Variants in CLSTN2 observed in about 807,000 individuals in gnomAD.
The protein encoded by CLSTN2 is calsyntenin 2.
A neutral mutation model predicts 101.2 loss-of-function variants in CLSTN2; 48 were observed. The ratio of observed to expected loss-of-function variants is 0.47; its 90% CI spans 0.38 to 0.60. The LOEUF (loss-of-function observed/expected upper bound fraction) is 0.60. Among genes scored for constraint, CLSTN2 ranks in the 20% least tolerant of loss-of-function variants. The probability of loss-of-function intolerance (pLI) is 0.00; values close to 1 mark genes in which losing one functional copy is unlikely to be tolerated. For missense variants in CLSTN2, 1,160 were observed against 1,238.2 expected, an observed-to-expected ratio of 0.94 and a Z score of 0.95; for synonymous variants, 481 against 463.6, an observed-to-expected ratio of 1.04 and a Z score of -0.48.
chr3:140,178,698 G>A (rs368940958), intron 2 of CLSTN2, among the ~76,000 whole-genome samples: 18 of 152,106 alleles, frequency 1.2e-4, no homozygotes, highest in South Asian at 6.2e-4. Context: ...TGCTGCAGGC[G>A]TTTATTTTAA....
chr3:140,307,422 A>G (rs556590272), intron 2 of CLSTN2, among the ~76,000 whole-genome samples: 9 of 152,204 alleles, frequency 5.9e-5, no homozygotes, highest in Non-Finnish European at 1.2e-4. Flanking sequence ...GGCATTGACT[A>G]TGCTGCTGTC....
chr3:140,176,084 G>A lies in CLSTN2; in HGVS notation c.232+11G>A. On this transcript the variant is annotated intron_variant, in intron 2 of 16. Transcript: ENST00000458420. ...CGGTTCCTTTTGCAGGTGAGATTAT[G>A]GCTTCGTACGGCTGGGCCTGGCTCA... 2 of 1,613,276 alleles carry A rather than the reference G, an allele frequency of 1.2e-6. No individual in the cohort carries two copies. The highest frequency in any genetic ancestry group is 1.1e-5 in the South Asian group (1 of 90,996).
At chr3:140,204,262 G>A (rs2010753421) in intron 2 of CLSTN2, among the ~76,000 whole-genome samples, 1 of 152,120 alleles carries the variant, frequency 6.6e-6, no homozygotes, top group African/African-American at 2.4e-5. Flanking sequence ...ACATGTTTTG[G>A]CCTAGAGAGG....
chr3:139,950,083 G>A (rs1935269075), intron 1 of CLSTN2, among the ~76,000 whole-genome samples: 1 of 152,170 alleles, frequency 6.6e-6, no homozygotes, highest in African/African-American at 2.4e-5. Context: ...GCCAACCTTT[G>A]GCTGTGCTGA....
intron 1 of CLSTN2, among the ~76,000 whole-genome samples, chr3:140,075,318 T>C (rs891626230): frequency 3.3e-5 from 5 of 152,178 alleles, no homozygotes; most frequent in Admixed American, 2.6e-4. Flanking sequence ...CTCTGCATTT[T>C]CCTCCACTGC....
intron 1 of CLSTN2, among the ~76,000 whole-genome samples, chr3:140,014,052 T>C (rs1463238486): frequency 6.6e-6 from 1 of 152,324 alleles, no homozygotes; most frequent in African/African-American, 2.4e-5. Context: ...GATGCCATTT[T>C]CCAATTCCAT....
chr3:140,479,847 A>G (rs901473684), intron 8 of CLSTN2, among the ~76,000 whole-genome samples: 4 of 152,204 alleles, frequency 2.6e-5, no homozygotes, highest in African/African-American at 9.7e-5. Context: ...CACCATCGTA[A>G]AGATTGAATA....
intron 2 of CLSTN2, among the ~76,000 whole-genome samples, chr3:140,336,895 G>T (rs1372722284): frequency 6.6e-6 from 1 of 152,148 alleles, no homozygotes; most frequent in Admixed American, 6.5e-5. Context: ...GGGGCTAATG[G>T]TTCTCATTGT....
intron 2 of CLSTN2, among the ~76,000 whole-genome samples, chr3:140,193,261 G>GTTTTTTTTTTTT (rs367933711): frequency 1.1e-5 from 1 of 87,444 alleles, no homozygotes; most frequent in African/African-American, 4.4e-5. Context: ...CTTTTTTATA[G>GTTTTTTTTTTTT]TTTTTTTTTT....
At chr3:139,974,600 A>G (rs1295808442) in intron 1 of CLSTN2, among the ~76,000 whole-genome samples, 3 of 152,244 alleles carry the variant, frequency 2.0e-5, no homozygotes, top group Non-Finnish European at 4.4e-5. Context: ...TTTACAGCAT[A>G]TGTTGCACTG....
intron 4 of CLSTN2, among the ~76,000 whole-genome samples, chr3:140,409,621 AC>A (rs2088340938): frequency 6.6e-6 from 1 of 152,180 alleles, no homozygotes; most frequent in Non-Finnish European, 1.5e-5. Flanking sequence ...TCAGACTCTT[AC>A]ACAAGACTAC....
intron 5 of CLSTN2, among the ~76,000 whole-genome samples, chr3:140,444,430 C>CA (rs11391949): frequency 0.35 from 50,259 of 143,062 alleles, 9,732 homozygotes; most frequent in Non-Finnish European, 0.46. Context: ...AACTCCGTCT[C>CA]AAAAAAAAAA....
At chr3:140,111,852 A>G (rs1225197805) in intron 1 of CLSTN2, among the ~76,000 whole-genome samples, 1 of 152,150 alleles carries the variant, frequency 6.6e-6, no homozygotes, top group Non-Finnish European at 1.5e-5. Context: ...GATCTCATTT[A>G]ATTTTTAGAA....
At chr3:140,241,136 CAAG>C (rs764112201) in intron 2 of CLSTN2, among the ~76,000 whole-genome samples, 3 of 152,050 alleles carry the variant, frequency 2.0e-5, no homozygotes, top group African/African-American at 7.2e-5. Context: ...TCAAAGAAAA[CAAG>C]AAAAGAATAC....
rs1035742987 is a variant in CLSTN2, at chr3:140,570,799, G to C, written c.*4546G>C. Reference sequence around the variant, plus strand: ...CAGCTAGATTTGGCCCAAGGCCAAAGTTTGGCAACCCGTACCATACACCAT... The same window carrying C: ...CAGCTAGATTTGGCCCAAGGCCAAACTTTGGCAACCCGTACCATACACCAT... On this transcript the variant is annotated 3_prime_UTR_variant, in exon 17 of 17. Coordinates refer to ENST00000458420, the MANE Select transcript of CLSTN2 (RefSeq NM_022131.3). 6.6e-6 allele frequency: 1 copy of C among 152,212 alleles called. No homozygotes were observed. Among genetic ancestry groups the C allele is most frequent in the Non-Finnish European group, 1.5e-5 (1 of 68,042 alleles). The allele number at this position is 152,212 out of a possible 1,614,324, so 9.4% of individuals were successfully genotyped here.
intron 4 of CLSTN2, among the ~76,000 whole-genome samples, chr3:140,411,326 A>G (rs577251774): frequency 3.3e-5 from 5 of 152,248 alleles, no homozygotes; most frequent in Non-Finnish European, 7.3e-5. Context: ...AAAAAGAGAC[A>G]AAGAAGGTCA....
At chr3:140,205,276 G>A (rs114185957) in intron 2 of CLSTN2, among the ~76,000 whole-genome samples, 2,324 of 152,248 alleles carry the variant, frequency 0.015, 59 homozygotes, top group African/African-American at 0.053. Context: ...ATTCAAATGC[G>A]TATTGAGCTC....
rs148540793 is a variant in CLSTN2, at chr3:140,504,570, C to T, written c.1345-27754C>T. 2.4e-4 allele frequency among the ~76,000 whole-genome samples: 36 copies of T among 152,248 alleles called. 1 individual carries two copies. Among genetic ancestry groups the T allele is most frequent in the Non-Finnish European group, 4.6e-4 (31 of 68,024 alleles). On this transcript the variant is annotated intron_variant, in intron 8 of 16. Transcript: ENST00000458420. ...TGTTCTAAGACTGTATAATCTGGTT[C>T]CTGAACAGTGCAGGTTGGATGGAAG...
At chr3:140,182,868 C>G (rs1297166819) in intron 2 of CLSTN2, among the ~76,000 whole-genome samples, 1 of 152,194 alleles carries the variant, frequency 6.6e-6, no homozygotes, top group Non-Finnish European at 1.5e-5. Flanking sequence ...GCATACACAG[C>G]TCCTCCTGTG....
Sources: gnomAD v4.1 joint callset for allele counts (sites outside exome capture counted in the v4.1 genomes callset) on GRCh38, gnomAD v4.1.1 for gene constraint, MANE v1.5 for transcripts, NCBI Gene and HGNC (gene_info 2026-07-23, HGNC 2026-07-21) for gene names.